MAST4: variants seen among roughly 807,000 people sequenced by gnomAD.
The protein encoded by MAST4 is microtubule associated serine/threonine kinase family member 4.
Under a neutral mutation model 162.7 loss-of-function variants are expected in MAST4, and 89 were observed. The ratio of observed to expected loss-of-function variants is 0.55; its 90% CI spans 0.46 to 0.65. The LOEUF is 0.65. Among genes scored for constraint, MAST4 ranks in the 30% least tolerant of loss-of-function variants. The probability of loss-of-function intolerance (pLI) is 0.00; values close to 1 mark genes in which losing one functional copy is unlikely to be tolerated. For synonymous variants in MAST4, 1,479 were observed against 1,361.1 expected (o/e 1.09, Z -1.91); for missense variants, 3,153 against 3,374.0 (o/e 0.93, Z 1.62).
intron 5 of MAST4, among the ~76,000 whole-genome samples, chr5:67,058,446 A>C (rs1759132528): frequency 6.6e-6 from 1 of 152,242 alleles, no homozygotes; most frequent in South Asian, 2.1e-4. Context: ...ATATTCTCAT[A>C]AAATAACAGA....
At chr5:67,091,427 C>T (rs1423545306) in intron 6 of MAST4, among the ~76,000 whole-genome samples, 1 of 152,160 alleles carries the variant, frequency 6.6e-6, no homozygotes, top group Non-Finnish European at 1.5e-5. Context: ...GACCCATACA[C>T]TGTTTTTACC....
chr5:66,620,022 TAAATG>T (rs1217108805), intron 1 of MAST4, among the ~76,000 whole-genome samples: 1 of 148,926 alleles, frequency 6.7e-6, no homozygotes, highest in South Asian at 2.1e-4. Context: ...ATATAGGTCT[TAAATG>T]GAATGAAAGA....
chr5:66,978,543 C>T (rs1748410714), intron 4 of MAST4, among the ~76,000 whole-genome samples: 1 of 152,164 alleles, frequency 6.6e-6, no homozygotes, highest in South Asian at 2.1e-4. Context: ...GCTATGAATG[C>T]TACATGAGTG....
intron 1 of MAST4, among the ~76,000 whole-genome samples, chr5:66,729,876 T>C (rs186017498): frequency 2.4e-4 from 36 of 152,332 alleles, no homozygotes; most frequent in Admixed American, 1.6e-3. Context: ...GCCTGAATGA[T>C]TTATTGCAAG....
intron 3 of MAST4, among the ~76,000 whole-genome samples, chr5:66,879,717 C>A (rs536489947): frequency 2.6e-5 from 4 of 152,132 alleles, no homozygotes; most frequent in Non-Finnish European, 5.9e-5. Context: ...TTCGCGATGA[C>A]GCCCAGGCTG....
At chr5:66,607,318 G>T (rs1429001805) in intron 1 of MAST4, among the ~76,000 whole-genome samples, 1 of 152,190 alleles carries the variant, frequency 6.6e-6, no homozygotes, top group African/African-American at 2.4e-5. Context: ...TTAGTGCTAA[G>T]ACATAAAGCT....
Position 67,166,055 on chromosome 5 carries a change from G to A in MAST4, c.6876G>A (p.Gly2292=), listed in dbSNP as rs374253054. ...LDAKPQPTSG[G]RPLEVLEKPV... is the part of the protein sequence containing the mutation. ...CCAAGCCACAACCCACCAGTGGTGGGCGGCCCCTGGAGGTGCTGGAGAAGC... is the reference window on the plus strand; with the variant it reads ...CCAAGCCACAACCCACCAGTGGTGGACGGCCCCTGGAGGTGCTGGAGAAGC... The change falls in exon 29 of 29, where the codon GGG becomes GGA. Residue 2292 remains glycine (G), a synonymous_variant. Coordinates refer to ENST00000403625, the MANE Select transcript of MAST4 (RefSeq NM_001164664.2). 3.6e-4 allele frequency: 579 copies of A among 1,613,666 alleles called. 2 individuals are homozygous for A. Among genetic ancestry groups the A allele is most frequent in the Non-Finnish European group, 4.8e-4 (565 of 1,179,840 alleles).
chr5:66,775,943 A>G (rs1390388399), intron 2 of MAST4, among the ~76,000 whole-genome samples: 2 of 152,240 alleles, frequency 1.3e-5, no homozygotes, highest in Admixed American at 6.5e-5. Flanking sequence ...TTCTTCAGGT[A>G]GCATACATAG....
At chr5:67,143,567 T>A (rs900857085) in intron 21 of MAST4, among the ~76,000 whole-genome samples, 5 of 152,238 alleles carry the variant, frequency 3.3e-5, no homozygotes, top group African/African-American at 1.2e-4. Context: ...TGCATGATTA[T>A]TGTTTAGCTT....
chr5:67,165,938 C>A lies in MAST4; in HGVS notation c.6759C>A (p.Thr2253=), dbSNP rs1280545561. The A allele has an allele frequency of 5.0e-6, 8 of 1,613,254 alleles. No individual in the cohort carries two copies. In the Admixed American group the frequency reaches 6.7e-5, roughly 13 times the overall value. ...GTGGGCCGGATGTGTTTCCTGCTAC[C>A]CCAGGCTCCCAGAACAAAGCCAGCG... ...SKSGPDVFPA[T]PGSQNKASDG... Residue 2253 remains threonine (T), a synonymous_variant, in exon 29 of 29, where the codon ACC becomes ACA. Coordinates refer to ENST00000403625, the MANE Select transcript of MAST4 (RefSeq NM_001164664.2).
intron 6 of MAST4, among the ~76,000 whole-genome samples, chr5:67,093,303 G>T (rs974526756): frequency 6.6e-6 from 1 of 152,160 alleles, no homozygotes; most frequent in Non-Finnish European, 1.5e-5. Flanking sequence ...TGTTGCATTG[G>T]CAAGAATGTA....
Position 66,760,657 on chromosome 5 carries a change from G to T in MAST4, c.517+795G>T, listed in dbSNP as rs73095803. 4.8e-3 allele frequency among the ~76,000 whole-genome samples: 724 copies of T among 152,184 alleles called. 7 individuals carry two copies. The highest frequency in any genetic ancestry group is 0.017 in the African/African-American group (696 of 41,502). On this transcript the variant is annotated intron_variant, in intron 2 of 28. Coordinates refer to ENST00000403625, the MANE Select transcript of MAST4 (RefSeq NM_001164664.2). ...TGGAAGCAGAGTATCTACTCCTTTG[G>T]TCTGGATTCTTTTGCTCAGTGTGAT...
intron 4 of MAST4, among the ~76,000 whole-genome samples, chr5:66,993,660 A>G (rs1337705926): frequency 6.6e-6 from 1 of 152,186 alleles, no homozygotes; most frequent in Non-Finnish European, 1.5e-5. Flanking sequence ...AAAGGCAGTG[A>G]GGTGTGGCAG....
intron 4 of MAST4, among the ~76,000 whole-genome samples, chr5:66,984,399 G>T (rs991468680): frequency 6.6e-6 from 1 of 152,200 alleles, no homozygotes; most frequent in Non-Finnish European, 1.5e-5. Context: ...GACTTCATAA[G>T]TTGGAGTAAG....
intron 3 of MAST4, among the ~76,000 whole-genome samples, chr5:66,868,691 T>A (rs1760713427): frequency 6.6e-6 from 1 of 152,132 alleles, no homozygotes; most frequent in Non-Finnish European, 1.5e-5. Flanking sequence ...TTACTGGAAT[T>A]TCTGTGTAAA....
At chr5:66,681,878 C>T (rs762652057) in intron 1 of MAST4, among the ~76,000 whole-genome samples, 7 of 152,156 alleles carry the variant, frequency 4.6e-5, no homozygotes, top group Non-Finnish European at 8.8e-5. Flanking sequence ...GGGCATTGGG[C>T]TCCCCTAGGT....
At chr5:66,804,720 C>G (rs1158716922) in intron 3 of MAST4, among the ~76,000 whole-genome samples, 2 of 152,116 alleles carry the variant, frequency 1.3e-5, no homozygotes, top group Non-Finnish European at 2.9e-5. Flanking sequence ...TAAGAGTGGA[C>G]TCTTCTGTAT....
intron 2 of MAST4, among the ~76,000 whole-genome samples, chr5:66,769,969 A>T (rs930518314): frequency 6.6e-6 from 1 of 152,230 alleles, no homozygotes. Context: ...CTAGTTCTTA[A>T]TAGGTATAAA....
Position 66,921,379 on chromosome 5 carries a change from G to A in MAST4, c.674+21397G>A, listed in dbSNP as rs531207125. Among the ~76,000 whole-genome samples, 20 of 152,192 alleles carry A rather than the reference G, an allele frequency of 1.3e-4. No individual in the cohort carries two copies. In the South Asian group the frequency reaches 1.5e-3, roughly 11 times the overall value. ...GTGAGGTAAACTGCAGCCCACCTTC[G>A]TCCAGAGGCATTCTTAATTTATATC... is the stretch of plus-strand genomic sequence containing the variant. On this transcript the variant is annotated intron_variant, in intron 4 of 28. Transcript: ENST00000403625.
Sources: gnomAD v4.1 joint callset for allele counts (sites outside exome capture counted in the v4.1 genomes callset) on GRCh38, gnomAD v4.1.1 for gene constraint, MANE v1.5 for transcripts, NCBI Gene and HGNC (gene_info 2026-07-23, HGNC 2026-07-21) for gene names.